Variants in ADAMTS2 observed in about 807,000 individuals in gnomAD.
ADAMTS2 encodes the protein A disintegrin and metalloproteinase with thrombospondin motifs 2.
A neutral mutation model predicts 123.0 loss-of-function variants in ADAMTS2; 50 were observed. That is an observed-to-expected ratio of 0.41 (90% CI 0.32 to 0.51). ADAMTS2 has a LOEUF of 0.51. Ranked by LOEUF, ADAMTS2 falls within the 20% of genes least tolerant of loss-of-function variation. The pLI, the probability that ADAMTS2 is intolerant of heterozygous loss-of-function variation, is 0.35. For missense variants in ADAMTS2, 1,494 were observed against 1,705.2 expected (o/e 0.88, Z 2.18); for synonymous variants, 678 against 695.4 (o/e 0.98, Z 0.39).
intron 20 of ADAMTS2, 101 bp downstream of exon 20, chr5:179,122,543 A>C (rs1448589870): frequency 6.8e-7 from 1 of 1,474,460 alleles, no homozygotes; most frequent in Non-Finnish European, 9.1e-7. Flanking sequence ...GAGTCCAGCT[A>C]CTCTCCGGGA....
intron 2 of ADAMTS2, among the ~76,000 whole-genome samples, chr5:179,277,317 T>TGGGG (rs1766725956): frequency 1.7e-4 from 1 of 5,940 alleles, no homozygotes; most frequent in Non-Finnish European, 1.2e-3. Flanking sequence ...GACCAAAGGC[T>TGGGG]GACACCCCGA....
At chr5:179,279,355 C>G (rs1026583312) in intron 2 of ADAMTS2, among the ~76,000 whole-genome samples, 4 of 152,226 alleles carry the variant, frequency 2.6e-5, no homozygotes, top group African/African-American at 9.6e-5. Context: ...CAGCACGCAC[C>G]TTGCCAAGAG....
intron 3 of ADAMTS2, among the ~76,000 whole-genome samples, chr5:179,253,057 C>G (rs1271909946): frequency 6.6e-6 from 1 of 152,196 alleles, no homozygotes; most frequent in Non-Finnish European, 1.5e-5. Context: ...GAGATTGATA[C>G]AGCAATGTCG....
At chr5:179,116,138 C>T (rs906683788) in intron 21 of ADAMTS2, among the ~76,000 whole-genome samples, 1 of 152,200 alleles carries the variant, frequency 6.6e-6, no homozygotes, top group Non-Finnish European at 1.5e-5. Flanking sequence ...CCCACCTCCA[C>T]CCTGGCTGAG....
At position 179,162,765 on chromosome 5, in the gene ADAMTS2, G is replaced by C. The variant is rs980452537; in HGVS notation, c.976-3886C>G. Among the ~76,000 whole-genome samples the C allele has an allele frequency of 3.3e-5, 5 of 152,248 alleles. No homozygotes were observed. The South Asian group carries it at 1.0e-3, about 31-fold the overall frequency. Reference sequence around the variant, plus strand: ...ATCACGAAGGCTGCCTGCCACTGACGGGTGTCATTTATGCCTGAAGAAGTT... The same window carrying C: ...ATCACGAAGGCTGCCTGCCACTGACCGGTGTCATTTATGCCTGAAGAAGTT... On this transcript the variant is annotated intron_variant, in intron 5 of 21. Coordinates refer to ENST00000251582, the MANE Select transcript of ADAMTS2 (RefSeq NM_014244.5). The surrounding 1 kb of genome is among the most constrained non-coding windows in gnomAD (Gnocchi z 5.1).
At chr5:179,226,255 C>G (rs1243525738) in intron 3 of ADAMTS2, among the ~76,000 whole-genome samples, 1 of 93,390 alleles carries the variant, frequency 1.1e-5, no homozygotes, top group Non-Finnish European at 2.9e-5. Flanking sequence ...TTTCTTTCTT[C>G]TCTTTCTTCT....
At chr5:179,329,280 T>C (rs113751837) in intron 2 of ADAMTS2, among the ~76,000 whole-genome samples, 5,720 of 145,020 alleles carry the variant, frequency 0.039, 366 homozygotes, top group African/African-American at 0.14. Flanking sequence ...TGAGCCGAGA[T>C]AGTGCCACTG....
rs1470908086 is a variant in ADAMTS2 at position 179,202,740 on chromosome 5, G to A, written c.891+4773C>T. The stretch of plus-strand genomic sequence containing the variant: ...ACCGTGTTTCCTTACTCACACCATG[G>A]CGCGGGGTGGGTCGGGAGGGCCCGA... On this transcript the variant is annotated intron_variant, in intron 4 of 21. Coordinates refer to ENST00000251582, the MANE Select transcript of ADAMTS2 (RefSeq NM_014244.5). The surrounding 1 kb of genome is among the most constrained non-coding windows in gnomAD (Gnocchi z 4.0). 6.6e-6 allele frequency among the ~76,000 whole-genome samples: 1 copy of A among 152,032 alleles called. No individual in the cohort carries two copies. The highest frequency in any genetic ancestry group is 1.5e-5 in the Non-Finnish European group (1 of 68,010).
chr5:179,267,309 C>T (rs935551769), intron 3 of ADAMTS2, among the ~76,000 whole-genome samples: 15 of 152,266 alleles, frequency 9.9e-5, no homozygotes, highest in African/African-American at 3.6e-4. Context: ...AGTGCCGGCG[C>T]TTGTCCTCTG....
At chr5:179,251,194 T>C (rs1457893225) in intron 3 of ADAMTS2, among the ~76,000 whole-genome samples, 1 of 152,182 alleles carries the variant, frequency 6.6e-6, no homozygotes, top group East Asian at 1.9e-4. Context: ...CAGAGTTCTT[T>C]CCACCCATGC....
At chr5:179,253,120 T>C (rs1246510492) in intron 3 of ADAMTS2, among the ~76,000 whole-genome samples, 1 of 152,226 alleles carries the variant, frequency 6.6e-6, no homozygotes, top group Non-Finnish European at 1.5e-5. Context: ...TTTCCACTTT[T>C]TCTTGCCTTT....
chr5:179,338,357 G>A (rs1460306530), intron 2 of ADAMTS2, among the ~76,000 whole-genome samples: 1 of 152,192 alleles, frequency 6.6e-6, no homozygotes, highest in Non-Finnish European at 1.5e-5. Context: ...CGCAGGGACT[G>A]GGTTCAAAGC....
At chr5:179,304,077 C>T (rs887005485) in intron 2 of ADAMTS2, among the ~76,000 whole-genome samples, 1 of 152,290 alleles carries the variant, frequency 6.6e-6, no homozygotes, top group African/African-American at 2.4e-5. Flanking sequence ...AGACGTGCCA[C>T]TGGGTTGTGT....
At chr5:179,198,805 G>A (rs1342697954) in intron 4 of ADAMTS2, among the ~76,000 whole-genome samples, 1 of 150,498 alleles carries the variant, frequency 6.6e-6, no homozygotes, top group Admixed American at 6.6e-5. Context: ...TTGCACTCCA[G>A]CCCGGGCGAC....
intron 10 of ADAMTS2, among the ~76,000 whole-genome samples, chr5:179,142,937 C>T (rs901523945): frequency 6.6e-6 from 1 of 152,064 alleles, no homozygotes; most frequent in Non-Finnish European, 1.5e-5. Context: ...AAAGTGTGAC[C>T]CATACGCAGG....
intron 10 of ADAMTS2, among the ~76,000 whole-genome samples, chr5:179,142,052 C>G (rs746196637): frequency 6.7e-6 from 1 of 149,974 alleles, no homozygotes; most frequent in Non-Finnish European, 1.5e-5. Flanking sequence ...TCCTTTAGCT[C>G]TGGCTCAGTG....
At chr5:179,210,417 T>C (rs1021484774) in intron 3 of ADAMTS2, among the ~76,000 whole-genome samples, 1 of 152,250 alleles carries the variant, frequency 6.6e-6, no homozygotes, top group Non-Finnish European at 1.5e-5. Flanking sequence ...ACAGCAAAGG[T>C]TTCTAAAGAT....
In ADAMTS2 at chr5:179,317,193, C is replaced by A. The variant is rs1757023961; in HGVS notation, c.534+26574G>T. Among the ~76,000 whole-genome samples, 1 of 152,192 alleles carries A rather than the reference C, an allele frequency of 6.6e-6. No individual in the cohort carries two copies. Among genetic ancestry groups the A allele is most frequent in the Non-Finnish European group, 1.5e-5 (1 of 68,030 alleles). ...AGCTGGCAGCAGGGCCACCTCTGAG[C>A]ATCCTTTTCCTCAGCACTTTGGCGT... On this transcript the variant is annotated intron_variant, in intron 2 of 21. Coordinates refer to ENST00000251582, the MANE Select transcript of ADAMTS2 (RefSeq NM_014244.5). This position sits in a 1 kb window ranked among gnomAD's most constrained non-coding sequence, Gnocchi z 4.9.
intron 2 of ADAMTS2, among the ~76,000 whole-genome samples, chr5:179,280,321 G>A (rs1042290929): frequency 5.3e-5 from 8 of 152,212 alleles, no homozygotes; most frequent in African/African-American, 1.9e-4. Flanking sequence ...CAGGCAGGGA[G>A]AGTAAGCACT....
Sources: allele counts gnomAD v4.1 joint callset (sites outside exome capture counted in the v4.1 genomes callset), GRCh38; gene constraint gnomAD v4.1.1; non-coding constraint Gnocchi (gnomAD v3.1); transcripts MANE v1.5; gene names NCBI Gene and HGNC (gene_info 2026-07-23, HGNC 2026-07-21).